LRBA: variants seen among roughly 807,000 people sequenced by gnomAD.
LRBA encodes the protein LPS responsive beige-like anchor protein.
In LRBA, 176 loss-of-function variants were observed where a neutral mutation model predicts 330.0. That is an observed-to-expected ratio of 0.53 (90% confidence interval 0.47 to 0.60). The LOEUF (loss-of-function observed/expected upper bound fraction) is 0.60. Ranked by LOEUF, LRBA falls within the 20% of genes least tolerant of loss-of-function variation. LRBA has a pLI of 0.00. For missense variants in LRBA, 3,259 were observed against 3,444.8 expected (o/e 0.95, Z 1.35); for synonymous variants, 1,230 against 1,193.0 (o/e 1.03, Z -0.64).
At position 150,919,099 on chromosome 4, in the gene LRBA, T is replaced by C. The variant is rs56385344; in HGVS notation, c.645+2099A>G. Among the ~76,000 whole-genome samples, 628 of 152,324 alleles carry C rather than the reference T, an allele frequency of 4.1e-3. 21 individuals are homozygous for C. In the East Asian group the frequency reaches 0.085, roughly 21 times the overall value. Reference sequence around the variant, plus strand: ...AAAGGAATGAAGTACTGATACATGCTGTACCATGGATGGACCTTGAAAACA... The same window carrying C: ...AAAGGAATGAAGTACTGATACATGCCGTACCATGGATGGACCTTGAAAACA... On this transcript the variant is annotated intron_variant, in intron 5 of 56. Transcript: ENST00000651943.
intron 40 of LRBA, among the ~76,000 whole-genome samples, chr4:150,551,455 G>A (rs992619740): frequency 2.0e-5 from 3 of 152,092 alleles, no homozygotes; most frequent in Admixed American, 1.3e-4. Flanking sequence ...GAGGTAGGTA[G>A]ATCACTTGAG....
chr4:150,372,066 C>T (rs1740404956), intron 47 of LRBA, among the ~76,000 whole-genome samples: 1 of 152,130 alleles, frequency 6.6e-6, no homozygotes, highest in Non-Finnish European at 1.5e-5. Flanking sequence ...TTCAAGTCTG[C>T]ATGAACCATT....
chr4:150,311,560 T>C (rs2126884345), intron 51 of LRBA, among the ~76,000 whole-genome samples: 1 of 152,312 alleles, frequency 6.6e-6, no homozygotes, highest in Middle Eastern at 3.4e-3. Context: ...AGAGGACTGA[T>C]GGATCTGTTG....
chr4:150,523,803 AATCT>A (rs1423009979), intron 40 of LRBA, among the ~76,000 whole-genome samples: 7 of 152,100 alleles, frequency 4.6e-5, no homozygotes, highest in Admixed American at 3.9e-4. Context: ...GAATGGGAAG[AATCT>A]ATCTATCTAC....
At chr4:150,414,310 T>G (rs1747415887) in intron 47 of LRBA, among the ~76,000 whole-genome samples, 1 of 151,992 alleles carries the variant, frequency 6.6e-6, no homozygotes, top group South Asian at 2.1e-4. Flanking sequence ...ATTTCAATAA[T>G]AATGAGACTG....
At chr4:150,710,042 G>C (rs1294244721) in intron 36 of LRBA, among the ~76,000 whole-genome samples, 3 of 152,056 alleles carry the variant, frequency 2.0e-5, no homozygotes, top group Admixed American at 2.0e-4. Context: ...CTAAATTTCA[G>C]AATGACTACA....
At chr4:150,445,914 G>C (rs946128203) in intron 44 of LRBA, among the ~76,000 whole-genome samples, 7 of 151,698 alleles carry the variant, frequency 4.6e-5, no homozygotes, top group African/African-American at 1.7e-4. Context: ...CTAAGTGCTG[G>C]GATTACAGCC....
intron 22 of LRBA, among the ~76,000 whole-genome samples, chr4:150,867,035 TC>T (rs1306941168): frequency 2.0e-5 from 3 of 150,622 alleles, no homozygotes; most frequent in African/African-American, 7.3e-5. Flanking sequence ...TAAACAGTGA[TC>T]CTTTTTGTAT....
At chr4:150,523,866 G>T (rs1009002099) in intron 40 of LRBA, among the ~76,000 whole-genome samples, 3 of 151,704 alleles carry the variant, frequency 2.0e-5, no homozygotes, top group Admixed American at 2.0e-4. Flanking sequence ...TTTTAAAGTT[G>T]TACAATCTCT....
chr4:150,401,113 C>T (rs1277165375), intron 47 of LRBA, among the ~76,000 whole-genome samples: 1 of 152,192 alleles, frequency 6.6e-6, no homozygotes, highest in Non-Finnish European at 1.5e-5. Flanking sequence ...AGGGAGAACA[C>T]CTTGTGAAGA....
intron 38 of LRBA, among the ~76,000 whole-genome samples, chr4:150,594,485 T>A (rs1204994917): frequency 6.6e-6 from 1 of 152,054 alleles, no homozygotes; most frequent in Non-Finnish European, 1.5e-5. Flanking sequence ...CGTCTAAAAG[T>A]TAATTGGATG....
rs148870779 is a variant in LRBA, at chr4:150,852,068, T to C, written c.3642A>G (p.Lys1214=). 52 of 1,614,162 alleles carry C rather than the reference T, an allele frequency of 3.2e-5. No individual in the cohort carries two copies. In the African/African-American group the frequency reaches 6.0e-4, roughly 19 times the overall value. The change falls in exon 23 of 57, where the codon AAA becomes AAG. Residue 1214 remains lysine (K), a synonymous_variant. Transcript: ENST00000651943. The part of the protein sequence containing the change: ...DLGQMLEEGK[K]ATNLTRETKL... The stretch of plus-strand genomic sequence containing the variant: ...TGGTTTCTCTAGTGAGGTTAGTTGC[T>C]TTCTTCCCTTCCTCCAGCATCTGAC...
chr4:150,631,770 C>T (rs1322032530), intron 37 of LRBA, among the ~76,000 whole-genome samples: 3 of 152,048 alleles, frequency 2.0e-5, no homozygotes, highest in Non-Finnish European at 2.9e-5. Flanking sequence ...CAGAAAACAC[C>T]GGAAGGAGGA....
chr4:150,949,205 C>T (rs1736552240), intron 2 of LRBA, among the ~76,000 whole-genome samples: 2 of 152,016 alleles, frequency 1.3e-5, no homozygotes, highest in South Asian at 4.1e-4. Flanking sequence ...TGTCCTTCAA[C>T]AGCTAAATGG....
chr4:150,307,501 A>T (rs1289935946), intron 52 of LRBA, among the ~76,000 whole-genome samples: 1 of 151,976 alleles, frequency 6.6e-6, no homozygotes, highest in Non-Finnish European at 1.5e-5. Context: ...AATATTTGAG[A>T]AAAACTCCAG....
chr4:150,471,649 G>A lies in LRBA; in HGVS notation c.6642C>T (p.Tyr2214=). 7 of 1,602,184 alleles carry A rather than the reference G, an allele frequency of 4.4e-6. No individual in the cohort carries two copies. The highest frequency in any genetic ancestry group is 6.0e-6 in the Non-Finnish European group (7 of 1,174,686). Reference sequence around the variant, plus strand: ...CTGCTATCGTGTTGAGAAACATCAAGTACTCAAAATTAGATATCTCTCTGT... The same window carrying A: ...CTGCTATCGTGTTGAGAAACATCAAATACTCAAAATTAGATATCTCTCTGT... The part of the protein sequence containing the change: ...WQHREISNFE[Y]LMFLNTIAGR... Residue 2214 remains tyrosine (Y), a synonymous_variant, in exon 43 of 57, where the codon TAC becomes TAT. Transcript: ENST00000651943.
chr4:150,867,608 G>T, intron 22 of LRBA, 63 bp downstream of exon 22: 4 of 1,321,562 alleles, frequency 3.0e-6, no homozygotes, highest in South Asian at 3.3e-5. Context: ...TTTTTTAAAT[G>T]ACTAAAATTC....
At chr4:150,652,499 TA>T (rs1779796517) in intron 37 of LRBA, among the ~76,000 whole-genome samples, 1 of 152,204 alleles carries the variant, frequency 6.6e-6, no homozygotes, top group Non-Finnish European at 1.5e-5. Flanking sequence ...AACTGGTTAT[TA>T]GATTTAAAAC....
At position 150,265,664 on chromosome 4, in the gene LRBA, T is replaced by C. The variant is rs1237036995; in HGVS notation, c.*58A>G. On this transcript the variant is annotated 3_prime_UTR_variant, in exon 57 of 57. Coordinates refer to ENST00000651943, the MANE Select transcript of LRBA (RefSeq NM_001364905.1). ...TACATTCAGATGTGGTAGAAGAGAATGATGCTCCAGGTACTTCTGCTCATC... is the reference window on the plus strand; with the variant it reads ...TACATTCAGATGTGGTAGAAGAGAACGATGCTCCAGGTACTTCTGCTCATC... 1.0e-5 allele frequency: 11 copies of C among 1,093,136 alleles called. No homozygotes were observed. The Admixed American group carries it at 1.7e-4, about 17-fold the overall frequency. 67.7% of individuals were successfully genotyped at this position (1,093,136 alleles called of 1,614,324 possible). A position where few individuals can be genotyped will look rare whatever the true frequency, so the allele number is the denominator to read the frequency against.
Sources: gnomAD v4.1 joint callset for allele counts (sites outside exome capture counted in the v4.1 genomes callset) on GRCh38, gnomAD v4.1.1 for gene constraint, MANE v1.5 for transcripts, NCBI Gene and HGNC (gene_info 2026-07-23, HGNC 2026-07-21) for gene names.